The following ACTR3C variants were observed in gnomAD, a reference collection of about 807,000 sequenced individuals.
ACTR3C encodes the protein actin related protein 3C.
Under a neutral mutation model 26.3 loss-of-function variants are expected in ACTR3C, and 18 were observed. The ratio of observed to expected loss-of-function variants is 0.68; its 90% CI spans 0.47 to 1.01. The LOEUF is 1.01. ACTR3C is among the 50% of genes least tolerant of loss of function. ACTR3C has a pLI of 0.00. For missense variants in ACTR3C, 184 were observed against 250.7 expected (o/e 0.73, Z 1.80); for synonymous variants, 55 against 94.5 (o/e 0.58, Z 2.42).
chr7:150,221,750 T>A, the ACTR3C span, among the ~76,000 whole-genome samples: 1 of 152,036 alleles, frequency 6.6e-6, no homozygotes, highest in African/African-American at 2.4e-5. Context: ...ATCCCAGCAC[T>A]TTGGGAGGCC....
At chr7:150,290,484 G>A (rs896959568) in intron 3 of ACTR3C, among the ~76,000 whole-genome samples, 1 of 152,064 alleles carries the variant, frequency 6.6e-6, no homozygotes, top group Admixed American at 6.5e-5. Context: ...TGGATCATCC[G>A]GTAAAGACAC....
At chr7:150,319,508 A>C (rs1262699156) in intron 1 of ACTR3C, among the ~76,000 whole-genome samples, 1 of 152,150 alleles carries the variant, frequency 6.6e-6, no homozygotes, top group African/African-American at 2.4e-5. Flanking sequence ...CGCCTGGCCC[A>C]GAACAAACTT....
the ACTR3C span, among the ~76,000 whole-genome samples, chr7:149,964,451 T>G: frequency 2.6e-4 from 39 of 151,932 alleles, no homozygotes; most frequent in African/African-American, 9.4e-4. Context: ...ATAAAAAATA[T>G]AGTGGGAGGG....
the ACTR3C span, among the ~76,000 whole-genome samples, chr7:150,225,509 T>A: frequency 6.6e-6 from 1 of 152,238 alleles, no homozygotes; most frequent in Non-Finnish European, 1.5e-5. Context: ...CTACTCTATA[T>A]GTACAGTGGT....
chr7:150,014,874 C>T, the ACTR3C span, among the ~76,000 whole-genome samples: 9 of 152,146 alleles, frequency 5.9e-5, no homozygotes, highest in African/African-American at 1.7e-4. Context: ...TGACTCTCAG[C>T]GGTATTACTC....
chr7:150,299,783 C>T (rs1448664013), intron 1 of ACTR3C, among the ~76,000 whole-genome samples: 1 of 151,844 alleles, frequency 6.6e-6, no homozygotes, highest in African/African-American at 2.4e-5. Flanking sequence ...TTAACTCCAT[C>T]TCAAAAACAA....
At chr7:150,320,201 G>C (rs905071651) in intron 1 of ACTR3C, among the ~76,000 whole-genome samples, 1 of 152,210 alleles carries the variant, frequency 6.6e-6, no homozygotes, top group Non-Finnish European at 1.5e-5. Context: ...AGGGTGAGTC[G>C]CAAAGTACAG....
At chr7:150,200,516 G>T in the ACTR3C span, among the ~76,000 whole-genome samples, 1 of 152,084 alleles carries the variant, frequency 6.6e-6, no homozygotes, top group Non-Finnish European at 1.5e-5. Flanking sequence ...ATAAGCATAA[G>T]TGTTTAATGT....
chr7:149,933,521 ATAAT>A, the ACTR3C span, among the ~76,000 whole-genome samples: 1 of 152,242 alleles, frequency 6.6e-6, no homozygotes, highest in South Asian at 2.1e-4. Context: ...GATACTAAAG[ATAAT>A]TAAAGGATGA....
the ACTR3C span, among the ~76,000 whole-genome samples, chr7:149,936,689 A>G: frequency 6.6e-6 from 1 of 152,266 alleles, no homozygotes. Flanking sequence ...AAGAACACCC[A>G]GAAACACCTG....
At chr7:150,162,136 T>C in the ACTR3C span, among the ~76,000 whole-genome samples, 1 of 152,134 alleles carries the variant, frequency 6.6e-6, no homozygotes, top group South Asian at 2.1e-4. Flanking sequence ...TTGCCACATA[T>C]CAATTTTGTT....
At chr7:149,991,834 G>A in the ACTR3C span, among the ~76,000 whole-genome samples, 15 of 152,290 alleles carry the variant, frequency 9.8e-5, no homozygotes, top group Admixed American at 7.2e-4. Flanking sequence ...GAGCTTAAGC[G>A]TTCTCCCACC....
chr7:149,907,483 T>TTCTCTCTCTCTCTCTCTCC, the ACTR3C span, among the ~76,000 whole-genome samples: 1 of 43,852 alleles, frequency 2.3e-5, no homozygotes, highest in Non-Finnish European at 5.6e-5. Context: ...TTCTCTTCTC[T>TTCTCTCTCTCTCTCTCTCC]CTCTCTCTCT....
rs928030236 is a variant in ACTR3C at position 150,274,709 on chromosome 7, G to A, written c.564+10044C>T. ...TAGGAAGCGGCTCAGCCCACGTGGA[G>A]ACCCACGCAGCTTGGCCCTGACGCC... On this transcript the variant is annotated intron_variant, in intron 6 of 7. Coordinates refer to ENST00000683684, the MANE Select transcript of ACTR3C (RefSeq NM_001164458.2). The surrounding 1 kb of genome is among the most constrained non-coding windows in gnomAD (Gnocchi z 4.1). 2.0e-5 allele frequency among the ~76,000 whole-genome samples: 3 copies of A among 152,194 alleles called. No homozygotes were observed. Among genetic ancestry groups the A allele is most frequent in the African/African-American group, 7.2e-5 (3 of 41,446 alleles).
chr7:150,239,734 T>G (rs1426550593), downstream of ACTR3C, among the ~76,000 whole-genome samples: 4 of 150,158 alleles, frequency 2.7e-5, no homozygotes, highest in Non-Finnish European at 5.9e-5. Flanking sequence ...CTTATGAATT[T>G]AGCAAAAATC....
the ACTR3C span, among the ~76,000 whole-genome samples, chr7:150,207,189 A>G: frequency 6.6e-6 from 1 of 152,222 alleles, no homozygotes; most frequent in African/African-American, 2.4e-5. Context: ...TAGAAGAGTA[A>G]GCAATAAGTC....
chr7:150,029,136 C>A, the ACTR3C span, among the ~76,000 whole-genome samples: 13 of 151,974 alleles, frequency 8.6e-5, no homozygotes, highest in Admixed American at 2.0e-4. Context: ...GCCGATGCCT[C>A]CTCCCACAGT....
intron 6 of ACTR3C, among the ~76,000 whole-genome samples, chr7:150,284,371 T>C (rs1835588978): frequency 6.6e-6 from 1 of 152,054 alleles, no homozygotes; most frequent in African/African-American, 2.4e-5. Context: ...TGAAACACCA[T>C]CTCTACTGAA....
chr7:150,073,508 T>A, the ACTR3C span: 1 of 148,564 alleles, frequency 6.7e-6, no homozygotes, highest in South Asian at 2.2e-4. Flanking sequence ...TCATATTTTT[T>A]AAAAGTACTC....
Sources: gnomAD v4.1 joint callset for allele counts (sites outside exome capture counted in the v4.1 genomes callset) on GRCh38, gnomAD v4.1.1 for gene constraint, Gnocchi (gnomAD v3.1) non-coding constraint, MANE v1.5 for transcripts, NCBI Gene and HGNC (gene_info 2026-07-23, HGNC 2026-07-21) for gene names.